Variants in SIPA1L1 observed in about 807,000 individuals in gnomAD.
SIPA1L1 encodes the protein signal induced proliferation associated 1 like 1.
In SIPA1L1, 26 loss-of-function variants were observed where a neutral mutation model predicts 162.7. The observed-to-expected ratio is 0.16, with a 90% CI of 0.12 to 0.22. SIPA1L1 has a LOEUF of 0.22. SIPA1L1 is among the 10% of genes least tolerant of loss of function. SIPA1L1 has a pLI of 1.00. For synonymous variants in SIPA1L1, 829 were observed against 837.4 expected, an observed-to-expected ratio of 0.99 and a Z score of 0.17; for missense variants, 1,874 against 2,241.0, an observed-to-expected ratio of 0.84 and a Z score of 3.31.
chr14:71,396,370 A>G (rs1320466532), intron 2 of SIPA1L1, among the ~76,000 whole-genome samples: 1 of 152,210 alleles, frequency 6.6e-6, no homozygotes, highest in African/African-American at 2.4e-5. Context: ...GCCCAGTGCC[A>G]GACTTCTAGC....
At chr14:71,578,784 C>T (rs2033490156) in intron 4 of SIPA1L1, among the ~76,000 whole-genome samples, 1 of 152,236 alleles carries the variant, frequency 6.6e-6, no homozygotes, top group African/African-American at 2.4e-5. Context: ...CAATCCAACT[C>T]TTTCTTATAA....
chr14:71,717,253 T>C (rs145746582), intron 17 of SIPA1L1, among the ~76,000 whole-genome samples: 208 of 152,310 alleles, frequency 1.4e-3, no homozygotes, highest in Non-Finnish European at 2.4e-3. Flanking sequence ...TCAAAATTAA[T>C]ATCCTGACAT....
intron 5 of SIPA1L1, among the ~76,000 whole-genome samples, chr14:71,596,400 T>C (rs1158666523): frequency 6.6e-6 from 1 of 152,214 alleles, no homozygotes; most frequent in Non-Finnish European, 1.5e-5. Flanking sequence ...CAGAGACTTT[T>C]AACTAATCCT....
At chr14:71,590,033 AAAAAAAAAAAAATATAT>A (rs1167584784) in intron 5 of SIPA1L1, among the ~76,000 whole-genome samples, 21 of 72,294 alleles carry the variant, frequency 2.9e-4, no homozygotes, top group Middle Eastern at 5.4e-3. Flanking sequence ...AAAAAAAAAA[AAAAAAAAAAAAATATAT>A]ATATATATAT....
chr14:71,666,077 A>G (rs2149306481), intron 10 of SIPA1L1, among the ~76,000 whole-genome samples: 1 of 152,302 alleles, frequency 6.6e-6, no homozygotes, highest in South Asian at 2.1e-4. Flanking sequence ...GAATTAATGG[A>G]TTTAAGCATT....
chr14:71,694,493 A>T (rs1428011066), intron 13 of SIPA1L1, among the ~76,000 whole-genome samples: 1 of 145,168 alleles, frequency 6.9e-6, no homozygotes, highest in Non-Finnish European at 1.5e-5. Flanking sequence ...TTAGTACAAT[A>T]AAAAAAAAAG....
chr14:71,667,239 C>G (rs1395267189), intron 10 of SIPA1L1, among the ~76,000 whole-genome samples: 1 of 152,168 alleles, frequency 6.6e-6, no homozygotes, highest in Non-Finnish European at 1.5e-5. Flanking sequence ...TGCTGCTCCT[C>G]TCACACATTC....
intron 5 of SIPA1L1, among the ~76,000 whole-genome samples, chr14:71,612,081 G>C (rs2148343736): frequency 6.6e-6 from 1 of 152,242 alleles, no homozygotes; most frequent in Non-Finnish European, 1.5e-5. Context: ...ATATGATGAA[G>C]CCCAAGTCTG....
At chr14:71,511,217 C>A (rs921182791) in intron 2 of SIPA1L1, among the ~76,000 whole-genome samples, 4 of 152,120 alleles carry the variant, frequency 2.6e-5, no homozygotes, top group Non-Finnish European at 5.9e-5. Flanking sequence ...GACCTGGGTT[C>A]CTGGCACAGA....
At chr14:71,516,511 T>C (rs2051742474) in intron 3 of SIPA1L1, among the ~76,000 whole-genome samples, 1 of 152,116 alleles carries the variant, frequency 6.6e-6, no homozygotes, top group Non-Finnish European at 1.5e-5. Flanking sequence ...CTCAGCCTCC[T>C]GAGTAGCTGG....
intron 2 of SIPA1L1, among the ~76,000 whole-genome samples, chr14:71,432,387 C>G (rs1399240291): frequency 1.3e-5 from 2 of 152,084 alleles, no homozygotes. Context: ...TATCTAGATT[C>G]TTGTTGGCCT....
At chr14:71,611,378 T>A (rs1022554598) in intron 5 of SIPA1L1, among the ~76,000 whole-genome samples, 4 of 151,682 alleles carry the variant, frequency 2.6e-5, no homozygotes, top group Non-Finnish European at 5.9e-5. Context: ...TTTTCCTAGT[T>A]GTTATTTTAA....
At chr14:71,625,073 G>T (rs939766330) in intron 7 of SIPA1L1, among the ~76,000 whole-genome samples, 2 of 151,948 alleles carry the variant, frequency 1.3e-5, no homozygotes, top group African/African-American at 2.4e-5. Flanking sequence ...ATTGGTTCAG[G>T]TAGTTTATTT....
intron 3 of SIPA1L1, among the ~76,000 whole-genome samples, chr14:71,524,646 A>G (rs1321781433): frequency 6.6e-6 from 1 of 152,058 alleles, no homozygotes; most frequent in East Asian, 1.9e-4. Flanking sequence ...ATGAGGTCTC[A>G]CTATGTTGCC....
At chr14:71,597,026 G>A (rs913291294) in intron 5 of SIPA1L1, among the ~76,000 whole-genome samples, 1 of 152,150 alleles carries the variant, frequency 6.6e-6, no homozygotes, top group African/African-American at 2.4e-5. Context: ...CTGGAGTGCA[G>A]TGGCGTGATT....
At chr14:71,343,366 G>A (rs921427291) in intron 2 of SIPA1L1, among the ~76,000 whole-genome samples, 2 of 152,096 alleles carry the variant, frequency 1.3e-5, no homozygotes, top group African/African-American at 4.8e-5. Flanking sequence ...TATGTATTTC[G>A]TAGATAACAC....
In SIPA1L1 at chr14:71,707,521, C is replaced by T. The variant is rs185374363; in HGVS notation, c.3766-1701C>T. On this transcript the variant is annotated intron_variant, in intron 16 of 23. Coordinates refer to ENST00000381232, the MANE Select transcript of SIPA1L1 (RefSeq NM_001386936.1). ...CACCAGTTTCTCTCTCTGGATTTGCCTACTCTGGACATTTCATACAAATGA... is the reference window on the plus strand; with the variant it reads ...CACCAGTTTCTCTCTCTGGATTTGCTTACTCTGGACATTTCATACAAATGA... Among the ~76,000 whole-genome samples the T allele has an allele frequency of 2.0e-4, 30 of 152,254 alleles. 1 individual carries two copies. Among genetic ancestry groups the T allele is most frequent in the Middle Eastern group, 3.4e-3 (1 of 294 alleles).
intron 2 of SIPA1L1, among the ~76,000 whole-genome samples, chr14:71,489,192 A>G (rs999051086): frequency 1.3e-5 from 2 of 152,228 alleles, no homozygotes. Flanking sequence ...TTGCCTTTAG[A>G]AAACTGACCT....
intron 2 of SIPA1L1, among the ~76,000 whole-genome samples, chr14:71,445,705 A>G (rs866527842): frequency 6.6e-6 from 1 of 152,336 alleles, no homozygotes; most frequent in Middle Eastern, 3.4e-3. Context: ...TGGATGACAA[A>G]TATTTCTTAC....
Sources: allele counts gnomAD v4.1 joint callset (sites outside exome capture counted in the v4.1 genomes callset), GRCh38; gene constraint gnomAD v4.1.1; transcripts MANE v1.5; gene names NCBI Gene and HGNC (gene_info 2026-07-23, HGNC 2026-07-21).